The following WDFY3 variants were observed in gnomAD, a reference collection of about 807,000 sequenced individuals.
WDFY3 encodes WD repeat and FYVE domain containing 3, also known as WD repeat and FYVE domain-containing protein 3.
A neutral mutation model predicts 409.6 loss-of-function variants in WDFY3; 66 were observed. That is an observed-to-expected ratio of 0.16 (90% CI 0.13 to 0.20). The LOEUF (loss-of-function observed/expected upper bound fraction) is 0.20. WDFY3 is among the 10% of genes least tolerant of loss of function. WDFY3 has a pLI of 1.00. For synonymous variants in WDFY3, 1,521 were observed against 1,537.1 expected (o/e 0.99, Z 0.25); for missense variants, 3,031 against 4,298.1 (o/e 0.71, Z 8.24).
At chr4:84,803,211 C>T (rs764855915) in intron 16 of WDFY3, 79 bp downstream of exon 16, 205 of 1,421,882 alleles carry the variant, frequency 1.4e-4, no homozygotes, top group Non-Finnish European at 1.8e-4. Context: ...TTCCTCAACC[C>T]CCTAGCTCAT....
At chr4:84,803,990 T>C (rs1578596391) in intron 15 of WDFY3, 1 of 152,370 alleles carries the variant, frequency 6.6e-6, no homozygotes, top group South Asian at 2.1e-4. Context: ...AGAATAAATA[T>C]ATTTGGCATT....
intron 1 of WDFY3, among the ~76,000 whole-genome samples, chr4:84,965,165 C>T (rs1775472783): frequency 1.3e-5 from 2 of 152,114 alleles, no homozygotes; most frequent in South Asian, 4.1e-4. Context: ...GCCTGATAGT[C>T]GAAACCAGTT....
chr4:84,801,860 G>A lies in WDFY3; in HGVS notation c.2612C>T (p.Ala871Val). The A allele has an allele frequency of 1.9e-6, 3 of 1,613,548 alleles. No homozygotes were observed. The highest frequency in any genetic ancestry group is 2.5e-6 in the Non-Finnish European group (3 of 1,179,566). Residue 871 changes from alanine (A) to valine (V), a missense_variant, in exon 17 of 68, where the codon GCT (alanine) becomes GTT (valine). By Grantham distance (64) the Ala-to-Val change is moderately conservative (BLOSUM62 0). Around this residue, in one of 16 missense-constraint regions of WDFY3, gnomAD observed 1,322 missense variants for 1,697.9 expected, o/e 0.78. Coordinates refer to ENST00000295888, the MANE Select transcript of WDFY3 (RefSeq NM_014991.6). ...SVGSVTQPEH[A>V]LDLQLAVANI... The stretch of plus-strand genomic sequence containing the variant: ...TGCCACGGCAAGTTGAAGATCCAAA[G>A]CATGCTAAAATCAACAAAGAAATCC...
intron 67 of WDFY3, among the ~76,000 whole-genome samples, chr4:84,674,129 T>C (rs1000097105): frequency 3.2e-4 from 48 of 152,212 alleles, no homozygotes; most frequent in Non-Finnish European, 3.1e-4. Flanking sequence ...TATCACTGTT[T>C]GGTCAGTTTC....
At chr4:84,843,827 G>A (rs968311567) in intron 5 of WDFY3, among the ~76,000 whole-genome samples, 1 of 152,002 alleles carries the variant, frequency 6.6e-6, no homozygotes, top group Admixed American at 6.6e-5. Context: ...AAATCAAATG[G>A]TTTCTTAAAA....
chr4:84,806,472 A>G (rs1751523667), intron 15 of WDFY3, among the ~76,000 whole-genome samples: 1 of 152,168 alleles, frequency 6.6e-6, no homozygotes, highest in African/African-American at 2.4e-5. Flanking sequence ...TAAGTCAAAG[A>G]CCTGGTTATC....
intron 62 of WDFY3, among the ~76,000 whole-genome samples, chr4:84,686,072 G>A (rs1339563093): frequency 6.6e-6 from 1 of 152,142 alleles, no homozygotes; most frequent in Non-Finnish European, 1.5e-5. Flanking sequence ...TTTGGAGGCC[G>A]AGGCGGGCAG....
chr4:84,948,248 T>C (rs1773149692), intron 1 of WDFY3, among the ~76,000 whole-genome samples: 1 of 152,170 alleles, frequency 6.6e-6, no homozygotes, highest in Non-Finnish European at 1.5e-5. Context: ...TGCTTTTTCA[T>C]ATCCTCCTAT....
intron 44 of WDFY3, 112 bp from the exon 45 acceptor site, chr4:84,727,023 A>C: frequency 2.3e-6 from 2 of 866,292 alleles, no homozygotes. Context: ...TAGTTACTCA[A>C]ACAAAATTAA....
chr4:84,932,137 T>C (rs1008918787), intron 2 of WDFY3, 133 bp downstream of exon 2: 4 of 152,088 alleles, frequency 2.6e-5, no homozygotes, highest in African/African-American at 7.2e-5. Context: ...CAGTCATCAG[T>C]GGTAAAGGAC....
At chr4:84,850,934 T>G (rs1316347527) in intron 4 of WDFY3, among the ~76,000 whole-genome samples, 1 of 47,880 alleles carries the variant, frequency 2.1e-5, no homozygotes, top group African/African-American at 7.0e-5. Flanking sequence ...ATCTGTTTTT[T>G]TTTTTTTTTT....
chr4:84,958,120 G>C (rs1018529347), intron 1 of WDFY3, among the ~76,000 whole-genome samples: 1 of 152,166 alleles, frequency 6.6e-6, no homozygotes, highest in East Asian at 1.9e-4. Context: ...GTCAGGAAAC[G>C]TTAAGGGATT....
At chr4:84,925,136 C>T (rs1769804303) in intron 2 of WDFY3, among the ~76,000 whole-genome samples, 1 of 152,124 alleles carries the variant, frequency 6.6e-6, no homozygotes, top group African/African-American at 2.4e-5. Context: ...TCTCTTCCCT[C>T]TTTATTAAGT....
intron 1 of WDFY3, among the ~76,000 whole-genome samples, chr4:84,961,641 T>C (rs866239360): frequency 2.0e-5 from 3 of 152,066 alleles, no homozygotes; most frequent in Admixed American, 6.6e-5. Flanking sequence ...TCATAACTGA[T>C]GCCCAAGCTA....
chr4:84,904,937 G>GAGACCAGCCTGGTCAACACGGTGAAA (rs1172791302), intron 2 of WDFY3, among the ~76,000 whole-genome samples: 1 of 151,920 alleles, frequency 6.6e-6, no homozygotes, highest in African/African-American at 2.4e-5. Flanking sequence ...TCAGGAGTTC[G>GAGACCAGCCTGGTCAACACGGTGAAA]CACATTGGTG....
intron 3 of WDFY3, among the ~76,000 whole-genome samples, chr4:84,893,599 T>C (rs902371152): frequency 6.6e-6 from 1 of 152,222 alleles, no homozygotes; most frequent in Admixed American, 6.5e-5. Context: ...CTTAAATTTC[T>C]CAATCTCTAC....
In WDFY3 at chr4:84,787,542, T is replaced by C; in HGVS notation, c.3841A>G (p.Thr1281Ala). 8 of 1,614,208 alleles carry C rather than the reference T, an allele frequency of 5.0e-6. No homozygotes were observed. Among genetic ancestry groups the C allele is most frequent in the Non-Finnish European group, 6.8e-6 (8 of 1,180,044 alleles). The change falls in exon 23 of 68, where the codon ACT becomes GCT. Residue 1281 changes from threonine to alanine, a missense_variant. This residue lies in a region of WDFY3 where 1,322 missense variants were observed against 1,697.9 expected (regional missense o/e 0.78). Transcript: ENST00000295888. Reference protein sequence around the residue: ...LEEVLPSSNVTTIYELGPNYV... With the variant: ...LEEVLPSSNVATIYELGPNYV... ...TTTGGTCCAAGTTCATAAATGGTAGTAACATTTGAAGAAGGTAAAACTTCT... is the reference window on the plus strand; with the variant it reads ...TTTGGTCCAAGTTCATAAATGGTAGCAACATTTGAAGAAGGTAAAACTTCT...
Position 84,849,884 on chromosome 4 carries a change from T to C in WDFY3, c.304+18A>G, listed in dbSNP as rs947028109. On this transcript the variant is annotated intron_variant, in intron 5 of 67. Transcript: ENST00000295888. The stretch of plus-strand genomic sequence containing the variant: ...TTCATTCAAACAAATCAGTTTTTGC[T>C]GGCTACTGTAAAAATACCTGTGGAT... 3.1e-6 allele frequency: 5 copies of C among 1,606,922 alleles called. No homozygotes were observed. Among genetic ancestry groups the C allele is most frequent in the African/African-American group, 1.3e-5 (1 of 74,488 alleles).
chr4:84,743,784 A>C lies in WDFY3; in HGVS notation c.5989T>G (p.Ser1997Ala). The change falls in exon 37 of 68, where the codon TCT becomes GCT. Residue 1997 changes from serine (S) to alanine (A), a missense_variant. By Grantham distance (99) the Ser-to-Ala change is moderately conservative. Coordinates refer to ENST00000295888, the MANE Select transcript of WDFY3 (RefSeq NM_014991.6). ...DLLLEASPERSTRTQQKEFQT... is the reference protein window; with the variant it reads ...DLLLEASPERATRTQQKEFQT... ...AATTCTTTTTGCTGAGTTCTTGTAG[A>C]CCTTTCAGGGGAAGCCTAATCAAGA... 6.3e-7 allele frequency: 1 copy of C among 1,581,768 alleles called. No homozygotes were observed. The highest frequency in any genetic ancestry group is 8.6e-7 in the Non-Finnish European group (1 of 1,161,564).
Sources: gnomAD v4.1 joint callset for allele counts (sites outside exome capture counted in the v4.1 genomes callset) on GRCh38, gnomAD v4.1.1 for gene constraint, gnomAD v4.1.1 regional missense constraint, MANE v1.5 for transcripts, NCBI Gene and HGNC (gene_info 2026-07-23, HGNC 2026-07-21) for gene names.